GPC5: variants seen among roughly 807,000 people sequenced by gnomAD.
GPC5 encodes the protein glypican 5.
A neutral mutation model predicts 53.9 loss-of-function variants in GPC5; 47 were observed. The observed-to-expected ratio is 0.87, with a 90% CI of 0.69 to 1.11. The LOEUF is 1.11. Ranked by LOEUF, GPC5 falls within the 50% of genes most tolerant of loss-of-function variation. The pLI is 0.00. For synonymous variants in GPC5, 286 were observed against 263.3 expected, an observed-to-expected ratio of 1.09 and a Z score of -0.84; for missense variants, 748 against 713.1, an observed-to-expected ratio of 1.05 and a Z score of -0.56.
intron 2 of GPC5, among the ~76,000 whole-genome samples, chr13:91,655,883 T>C (rs992315596): frequency 1.3e-5 from 2 of 152,142 alleles, no homozygotes; most frequent in Non-Finnish European, 2.9e-5. Context: ...GAATCTCTCT[T>C]ATGGGGTGAA....
At chr13:92,647,589 C>T (rs1885815895) in intron 7 of GPC5, among the ~76,000 whole-genome samples, 1 of 151,936 alleles carries the variant, frequency 6.6e-6, no homozygotes, top group Admixed American at 6.6e-5. Flanking sequence ...ATAATCAAAC[C>T]TCAAGCAGAG....
At chr13:91,821,111 A>G (rs1213816931) in intron 5 of GPC5, among the ~76,000 whole-genome samples, 1 of 152,198 alleles carries the variant, frequency 6.6e-6, no homozygotes, top group African/African-American at 2.4e-5. Flanking sequence ...CTTTTAAGCA[A>G]TGAACATAGT....
intron 7 of GPC5, among the ~76,000 whole-genome samples, chr13:92,251,354 G>C (rs1273254700): frequency 4.4e-4 from 67 of 152,196 alleles, no homozygotes; most frequent in Middle Eastern, 3.4e-3. Context: ...CCAGTGTAAG[G>C]TGGCTCCACG....
At chr13:92,401,813 A>G (rs997590640) in intron 7 of GPC5, among the ~76,000 whole-genome samples, 1 of 152,178 alleles carries the variant, frequency 6.6e-6, no homozygotes, top group Non-Finnish European at 1.5e-5. Flanking sequence ...CTAAAAAGAC[A>G]TTACATTGTT....
chr13:92,122,451 A>G (rs1303933029), intron 6 of GPC5, among the ~76,000 whole-genome samples: 1 of 151,818 alleles, frequency 6.6e-6, no homozygotes, highest in Non-Finnish European at 1.5e-5. Flanking sequence ...TGCTTGCTTC[A>G]GCCTGCTGGT....
At chr13:91,546,729 A>G (rs2138791410) in intron 2 of GPC5, among the ~76,000 whole-genome samples, 1 of 152,250 alleles carries the variant, frequency 6.6e-6, no homozygotes, top group South Asian at 2.1e-4. Context: ...AAGATCAAGA[A>G]GGATTCTTTT....
intron 7 of GPC5, among the ~76,000 whole-genome samples, chr13:92,703,207 A>G (rs1473798097): frequency 6.6e-6 from 1 of 151,900 alleles, no homozygotes; most frequent in African/African-American, 2.4e-5. Flanking sequence ...AGAACTCACA[A>G]TAATACCTGA....
intron 7 of GPC5, among the ~76,000 whole-genome samples, chr13:92,655,640 C>T (rs1038750294): frequency 1.3e-4 from 20 of 152,140 alleles, no homozygotes; most frequent in African/African-American, 4.8e-4. Flanking sequence ...CGCACCTGTT[C>T]GGTTGCCACT....
At chr13:91,657,143 G>T (rs536062945) in intron 2 of GPC5, among the ~76,000 whole-genome samples, 3 of 152,292 alleles carry the variant, frequency 2.0e-5, no homozygotes, top group East Asian at 3.9e-4. Flanking sequence ...GATCATACTG[G>T]CAGGAGAAAG....
chr13:91,998,291 C>G (rs1384394275), intron 6 of GPC5, among the ~76,000 whole-genome samples: 1 of 152,170 alleles, frequency 6.6e-6, no homozygotes, highest in Non-Finnish European at 1.5e-5. Context: ...TAACTTGATA[C>G]CTGATCCAAC....
At position 91,399,031 on chromosome 13, in the gene GPC5, G is replaced by A. The variant is rs1358355066; in HGVS notation, c.-16G>A. On this transcript the variant is annotated 5_prime_UTR_variant, in exon 1 of 8. Transcript: ENST00000377067. Reference sequence around the variant, plus strand: ...GTGGGGTCCACTGGCGGGTAAAGGGGACCAGGACGGCGAGGATGGACGCAC... The same window carrying A: ...GTGGGGTCCACTGGCGGGTAAAGGGAACCAGGACGGCGAGGATGGACGCAC... 4 of 1,540,680 alleles carry A rather than the reference G, an allele frequency of 2.6e-6. No homozygotes were observed. In the African/African-American group the frequency reaches 5.5e-5, roughly 21 times the overall value.
chr13:92,388,824 A>G (rs1566569733), intron 7 of GPC5, among the ~76,000 whole-genome samples: 1 of 152,128 alleles, frequency 6.6e-6, no homozygotes, highest in Admixed American at 6.6e-5. Flanking sequence ...GGAGATGTGC[A>G]GTCTTTCATA....
At chr13:91,804,392 C>A (rs1291112087) in intron 5 of GPC5, among the ~76,000 whole-genome samples, 1 of 152,200 alleles carries the variant, frequency 6.6e-6, no homozygotes, top group Non-Finnish European at 1.5e-5. Context: ...CTTATTGCCA[C>A]TTCAAAGTGC....
At chr13:91,928,421 G>T (rs780861775) in intron 6 of GPC5, among the ~76,000 whole-genome samples, 2 of 152,174 alleles carry the variant, frequency 1.3e-5, no homozygotes, top group African/African-American at 4.8e-5. Context: ...GAGTTTAACA[G>T]AGTGCCCCTT....
intron 6 of GPC5, chr13:92,059,988 TA>T (rs989374668): frequency 3.3e-5 from 5 of 152,096 alleles, no homozygotes; most frequent in East Asian, 1.9e-4. Flanking sequence ...AAAAACACTT[TA>T]AAAAATATTT....
chr13:92,107,719 T>A (rs1279182741), intron 6 of GPC5, among the ~76,000 whole-genome samples: 1 of 152,182 alleles, frequency 6.6e-6, no homozygotes, highest in Non-Finnish European at 1.5e-5. Context: ...ACCCCATATA[T>A]GTGAGCATTA....
intron 5 of GPC5, among the ~76,000 whole-genome samples, chr13:91,814,574 C>A (rs1284123675): frequency 2.0e-5 from 3 of 151,158 alleles, no homozygotes; most frequent in Non-Finnish European, 4.4e-5. Flanking sequence ...GAGTTTCACT[C>A]TCGTCACCCA....
chr13:92,463,926 G>A lies in GPC5; in HGVS notation c.1561+318937G>A, dbSNP rs1878591044. On this transcript the variant is annotated intron_variant, in intron 7 of 7. Coordinates refer to ENST00000377067, the MANE Select transcript of GPC5 (RefSeq NM_004466.6). ...AGAAAAAGAGTGTCTTGGCACACTT[G>A]GTTTTTGTCATCTTATTTTTATTAT... Among the ~76,000 whole-genome samples, 3 of 152,076 alleles carry A rather than the reference G, an allele frequency of 2.0e-5. No homozygotes were observed. In the South Asian group the frequency reaches 6.2e-4, roughly 31 times the overall value.
At position 92,449,807 on chromosome 13, in the gene GPC5, A is replaced by G. The variant is rs189779681; in HGVS notation, c.1561+304818A>G. Among the ~76,000 whole-genome samples the G allele has an allele frequency of 9.2e-5, 14 of 152,248 alleles. No homozygotes were observed. The East Asian group carries it at 2.3e-3, about 25-fold the overall frequency. On this transcript the variant is annotated intron_variant, in intron 7 of 7. Transcript: ENST00000377067. ...TTGAAAAAACAAAAAATTATTTAGC[A>G]TATGTTTCATATGTTTTTATGTTCA...
Sources: allele counts gnomAD v4.1 joint callset (sites outside exome capture counted in the v4.1 genomes callset), GRCh38; gene constraint gnomAD v4.1.1; transcripts MANE v1.5; gene names NCBI Gene and HGNC (gene_info 2026-07-23, HGNC 2026-07-21).